Variants in MGAT5B observed in about 807,000 individuals in gnomAD.
MGAT5B encodes N-acetylglucosaminyl-transferase Vb.
In MGAT5B, 54 loss-of-function variants were observed where a neutral mutation model predicts 95.1. That is an observed-to-expected ratio of 0.57 (90% CI 0.46 to 0.71). The LOEUF (loss-of-function observed/expected upper bound fraction) is 0.71. Among genes scored for constraint, MGAT5B ranks in the 30% least tolerant of loss-of-function variants. MGAT5B has a pLI of 0.00. For synonymous variants in MGAT5B, 464 were observed against 451.0 expected (o/e 1.03, Z -0.36); for missense variants, 935 against 1,088.6 (o/e 0.86, Z 1.99).
At chr17:76,926,553 C>T (rs748264318) in intron 9 of MGAT5B, 44 bp from the exon 10 acceptor site, 102 of 1,573,308 alleles carry the variant, frequency 6.5e-5, no homozygotes, top group Non-Finnish European at 8.8e-5. Context: ...CAGGGACACA[C>T]GGGGAGGTTG....
chr17:76,876,038 C>T (rs573463275), intron 2 of MGAT5B, among the ~76,000 whole-genome samples: 7 of 152,188 alleles, frequency 4.6e-5, no homozygotes, highest in East Asian at 1.9e-4. Context: ...CTTTAGATCC[C>T]GACTCGCATT....
intron 10 of MGAT5B, among the ~76,000 whole-genome samples, chr17:76,927,390 C>T (rs1473405671): frequency 6.6e-6 from 1 of 152,116 alleles, no homozygotes; most frequent in East Asian, 1.9e-4. Context: ...CAGGCATCTG[C>T]CCCCATGCCC....
chr17:76,892,390 C>T (rs1424172622), intron 3 of MGAT5B, among the ~76,000 whole-genome samples: 1 of 152,220 alleles, frequency 6.6e-6, no homozygotes, highest in Non-Finnish European at 1.5e-5. Context: ...CTGTGCTGGG[C>T]CAGTGACCTC....
chr17:76,904,817 C>T (rs1471153941), intron 6 of MGAT5B, among the ~76,000 whole-genome samples: 3 of 152,348 alleles, frequency 2.0e-5, no homozygotes, highest in South Asian at 2.1e-4. Flanking sequence ...TTAATGGGTT[C>T]GAGGCGCATA....
chr17:76,880,975 G>C (rs1011100453), intron 2 of MGAT5B, among the ~76,000 whole-genome samples: 4 of 152,184 alleles, frequency 2.6e-5, no homozygotes, highest in African/African-American at 9.7e-5. Context: ...GGCAGCCTGG[G>C]AGCATCGAAG....
chr17:76,875,078 C>T (rs942832605), intron 2 of MGAT5B, among the ~76,000 whole-genome samples: 3 of 152,164 alleles, frequency 2.0e-5, no homozygotes, highest in African/African-American at 7.2e-5. Context: ...CCAAGTGTCC[C>T]CATGCCACTT....
intron 8 of MGAT5B, chr17:76,913,858 C>A (rs1284712965): frequency 2.2e-6 from 1 of 449,634 alleles, no homozygotes; most frequent in Admixed American, 2.4e-5. Flanking sequence ...CTCCTGTAAT[C>A]CCAGCACTTT....
chr17:76,926,819 C>T, intron 10 of MGAT5B, 89 bp downstream of exon 10: 1 of 1,480,640 alleles, frequency 6.8e-7, no homozygotes, highest in Non-Finnish European at 9.2e-7. Context: ...TCTCGCTCCT[C>T]CCTCTCTTTC....
At chr17:76,872,331 T>C (rs1328208091) in intron 1 of MGAT5B, among the ~76,000 whole-genome samples, 3 of 152,190 alleles carry the variant, frequency 2.0e-5, no homozygotes, top group East Asian at 1.9e-4. Flanking sequence ...GCCTGAGTGA[T>C]TGATGGGGTC....
At chr17:76,901,403 A>C (rs905671530) in intron 3 of MGAT5B, among the ~76,000 whole-genome samples, 28 of 70,744 alleles carry the variant, frequency 4.0e-4, no homozygotes, top group African/African-American at 2.9e-3. Flanking sequence ...TTAATGTGTT[A>C]AAAAAAAAAA....
At chr17:76,902,363 G>T (rs1322461302) in intron 3 of MGAT5B, among the ~76,000 whole-genome samples, 192 bp from the exon 4 acceptor site, 1 of 152,198 alleles carries the variant, frequency 6.6e-6, no homozygotes, top group East Asian at 1.9e-4. Flanking sequence ...GTGTGTACTG[G>T]ATGGGGTGGG....
chr17:76,940,410 C>T lies in MGAT5B; in HGVS notation c.1593C>T (p.Ile531=), dbSNP rs766733616. ...GCCCCTTGACTCTGCAGCTCTTCAT[C>T]GGGTTTGGCTTCCCCTACGAGGGCC... ...QQLLRKAKLF[I]GFGFPYEGPA... Residue 531 remains isoleucine, a synonymous_variant, in exon 14 of 18, where the codon ATC becomes ATT. Coordinates refer to ENST00000569840, the MANE Select transcript of MGAT5B (RefSeq NM_001199172.2). This position sits in a 1 kb window ranked among gnomAD's most constrained non-coding sequence, Gnocchi z 4.3. 2.6e-5 allele frequency: 42 copies of T among 1,603,420 alleles called. No homozygotes were observed. The highest frequency in any genetic ancestry group is 1.7e-4 in the Middle Eastern group (1 of 6,040).
chr17:76,878,089 G>A (rs1245188584), intron 2 of MGAT5B, among the ~76,000 whole-genome samples: 3 of 152,166 alleles, frequency 2.0e-5, no homozygotes, highest in Non-Finnish European at 2.9e-5. Flanking sequence ...CTGGGGAAGC[G>A]ATGTCAGCTT....
intron 13 of MGAT5B, among the ~76,000 whole-genome samples, chr17:76,939,027 G>GGGGT (rs748715544): frequency 6.6e-4 from 64 of 97,298 alleles, no homozygotes; most frequent in African/African-American, 1.7e-3. Flanking sequence ...AGGCATCTTG[G>GGGGT]GGGTGTGTGT....
rs202060929 is a variant in MGAT5B, at chr17:76,932,733, C to G, written c.1380C>G (p.Ser460Arg). 5.0e-6 allele frequency: 8 copies of G among 1,613,880 alleles called. No individual in the cohort carries two copies. Among genetic ancestry groups the G allele is most frequent in the Non-Finnish European group, 6.8e-6 (8 of 1,179,922 alleles). The change falls in exon 11 of 18, where the codon AGC (serine) becomes AGG (arginine). Residue 460 changes from serine (S) to arginine (R), a missense_variant. Transcript: ENST00000569840. The part of the protein sequence containing the change: ...EKRLIKGGKA[S>R]NMAVVYGKEA... Reference sequence around the variant, plus strand: ...GGCTCATCAAAGGCGGCAAGGCCAGCAACATGGCCGTGGTGTACGGCAAGG... The same window carrying G: ...GGCTCATCAAAGGCGGCAAGGCCAGGAACATGGCCGTGGTGTACGGCAAGG...
chr17:76,929,755 C>T (rs1187446403), intron 10 of MGAT5B, among the ~76,000 whole-genome samples: 1 of 152,308 alleles, frequency 6.6e-6, no homozygotes, highest in African/African-American at 2.4e-5. Context: ...CTCCAGGGAG[C>T]TAACTGGGGG....
intron 2 of MGAT5B, among the ~76,000 whole-genome samples, chr17:76,875,078 C>G (rs942832605): frequency 6.6e-6 from 1 of 152,164 alleles, no homozygotes; most frequent in Admixed American, 6.5e-5. Context: ...CCAAGTGTCC[C>G]CATGCCACTT....
chr17:76,920,768 G>A (rs1002461264), intron 8 of MGAT5B, among the ~76,000 whole-genome samples: 1 of 152,152 alleles, frequency 6.6e-6, no homozygotes, highest in Non-Finnish European at 1.5e-5. Flanking sequence ...CTGGGCTCAG[G>A]TCCAGACCCA....
At chr17:76,899,219 G>A (rs1222384887) in intron 3 of MGAT5B, among the ~76,000 whole-genome samples, 5 of 152,196 alleles carry the variant, frequency 3.3e-5, no homozygotes, top group African/African-American at 1.2e-4. Flanking sequence ...TGGTTAGAAG[G>A]TAGGACAGGC....
Sources: allele counts gnomAD v4.1 joint callset (sites outside exome capture counted in the v4.1 genomes callset), GRCh38; gene constraint gnomAD v4.1.1; non-coding constraint Gnocchi (gnomAD v3.1); transcripts MANE v1.5; gene names NCBI Gene and HGNC (gene_info 2026-07-23, HGNC 2026-07-21).